Variants in IPPK observed in about 807,000 individuals in gnomAD.
The protein encoded by IPPK is IPK1 homolog.
Under a neutral mutation model 64.6 loss-of-function variants are expected in IPPK, and 22 were observed. The observed-to-expected ratio is 0.34, with a 90% CI of 0.24 to 0.49. IPPK has a LOEUF of 0.49. IPPK is among the 20% of genes least tolerant of loss of function. The probability of loss-of-function intolerance (pLI) is 0.99; values close to 1 mark genes in which losing one functional copy is unlikely to be tolerated. For missense variants in IPPK, 532 were observed against 630.7 expected (o/e 0.84, Z 1.68); for synonymous variants, 262 against 247.2 (o/e 1.06, Z -0.56).
intron 11 of IPPK, among the ~76,000 whole-genome samples, chr9:92,634,087 G>T (rs1255508513): frequency 6.6e-6 from 1 of 152,256 alleles, no homozygotes; most frequent in East Asian, 1.9e-4. Flanking sequence ...CAGAGAGCCT[G>T]TTGTGGGCTG....
intron 1 of IPPK, among the ~76,000 whole-genome samples, chr9:92,662,518 C>T (rs1852506994): frequency 1.3e-5 from 2 of 150,366 alleles, no homozygotes; most frequent in South Asian, 2.1e-4. Context: ...AGCGAAACTC[C>T]GTCTCAAAAA....
At chr9:92,623,142 A>T (rs1851672934) in intron 11 of IPPK, among the ~76,000 whole-genome samples, 1 of 152,176 alleles carries the variant, frequency 6.6e-6, no homozygotes, top group Non-Finnish European at 1.5e-5. Flanking sequence ...TCCATTAAGA[A>T]TCAAAAGACG....
chr9:92,638,975 G>A (rs1851996678), intron 8 of IPPK, among the ~76,000 whole-genome samples: 1 of 152,202 alleles, frequency 6.6e-6, no homozygotes, highest in Non-Finnish European at 1.5e-5. Flanking sequence ...ATGCTGCCCA[G>A]GGGAAAGGCC....
At chr9:92,636,576 G>A (rs1288860538) in intron 9 of IPPK, among the ~76,000 whole-genome samples, 1 of 152,160 alleles carries the variant, frequency 6.6e-6, no homozygotes, top group Non-Finnish European at 1.5e-5. Context: ...TGGAGGTGGA[G>A]GTTGCAGTGA....
chr9:92,635,302 T>A lies in IPPK; in HGVS notation c.923A>T (p.Asn308Ile), dbSNP rs979187232. Residue 308 changes from asparagine to isoleucine, a missense_variant, in exon 10 of 13, where the codon AAC becomes ATC. Coordinates refer to ENST00000287996, the MANE Select transcript of IPPK (RefSeq NM_022755.6). This position sits in a 1 kb window ranked among gnomAD's most constrained non-coding sequence, Gnocchi z 4.4. ...CGGTAACCCCGAGCGCTCTGGGGTGTTTTTTCCTACCGAGAACATCAGGGG... is the reference window on the plus strand; with the variant it reads ...CGGTAACCCCGAGCGCTCTGGGGTGATTTTTCCTACCGAGAACATCAGGGG... Reference protein sequence around the residue: ...FSRSLRCQGKNTPERSGLPKG... With the variant: ...FSRSLRCQGKITPERSGLPKG... 2 of 1,605,674 alleles carry A rather than the reference T, an allele frequency of 1.2e-6. No homozygotes were observed. Among genetic ancestry groups the A allele is most frequent in the Non-Finnish European group, 1.7e-6 (2 of 1,177,166 alleles).
At chr9:92,626,470 G>C (rs1851735632) in intron 11 of IPPK, among the ~76,000 whole-genome samples, 1 of 152,256 alleles carries the variant, frequency 6.6e-6, no homozygotes, top group South Asian at 2.1e-4. Flanking sequence ...ACAGCTGAAT[G>C]AATCAATGAA....
intron 6 of IPPK, among the ~76,000 whole-genome samples, chr9:92,644,481 GGTTCCCGGAAAGATCACACTTGCAAGC>G (rs1290818411): frequency 2.8e-4 from 42 of 152,214 alleles, no homozygotes; most frequent in South Asian, 1.2e-3. Context: ...CCTGTCTCTG[GGTTCCCGGAAAGATCACACTTGCAAGC>G]GTTCCCGGAA....
rs77720565 is a variant in IPPK, at chr9:92,619,008, G to A, written c.1250+478C>T. On this transcript the variant is annotated intron_variant, in intron 12 of 12. Transcript: ENST00000287996. ...AACTAGTGACATTAGGGAGAGGGGCGGCACATAGGCTGGTTATTCAGAAGA... is the reference window on the plus strand; with the variant it reads ...AACTAGTGACATTAGGGAGAGGGGCAGCACATAGGCTGGTTATTCAGAAGA... The A allele has an allele frequency of 6.9e-4, 164 of 238,818 alleles. 1 individual carries two copies. Among genetic ancestry groups the A allele is most frequent in the East Asian group, 4.8e-3 (47 of 9,752 alleles). The allele number at this position is 238,818 out of a possible 1,614,324, so 14.8% of individuals were successfully genotyped here.
At chr9:92,659,449 T>C (rs1013880918) in intron 1 of IPPK, among the ~76,000 whole-genome samples, 2 of 152,246 alleles carry the variant, frequency 1.3e-5, no homozygotes, top group African/African-American at 4.8e-5. Context: ...AAGTTTAACA[T>C]CTCCAAGTAG....
intron 11 of IPPK, 131 bp from the exon 12 acceptor site, chr9:92,619,696 G>A: frequency 3.7e-6 from 3 of 811,576 alleles, no homozygotes; most frequent in Non-Finnish European, 6.0e-6. Context: ...TTAGGAGCGA[G>A]GGCCACGGTG....
In IPPK at chr9:92,627,750, G is replaced by A. The variant is rs140764699; in HGVS notation, c.1170+6636C>T. Among the ~76,000 whole-genome samples, 1,357 of 152,278 alleles carry A rather than the reference G, an allele frequency of 8.9e-3. 10 individuals are homozygous for A. Among genetic ancestry groups the A allele is most frequent in the Non-Finnish European group, 0.014 (984 of 68,016 alleles). ...AAAAACAACTAACATCATACATGAC[G>A]ATGAAAGACTGAACACTGTCCCCAT... On this transcript the variant is annotated intron_variant, in intron 11 of 12. Coordinates refer to ENST00000287996, the MANE Select transcript of IPPK (RefSeq NM_022755.6).
chr9:92,645,454 A>AG (rs1196526554), intron 6 of IPPK, among the ~76,000 whole-genome samples: 1 of 152,128 alleles, frequency 6.6e-6, no homozygotes, highest in Non-Finnish European at 1.5e-5. Context: ...AAAATGAAAA[A>AG]GTAACTAGAG....
rs1457778330 is a variant in IPPK, at chr9:92,649,402, C to G, written c.414+51G>C. 1.9e-6 allele frequency: 3 copies of G among 1,610,014 alleles called. No homozygotes were observed. The South Asian group carries it at 3.3e-5, about 18-fold the overall frequency. ...GCACGTGACTCTTGGACTTACTACCCAAGACTGACCTTTCCCCTTTACCCA... is the reference window on the plus strand; with the variant it reads ...GCACGTGACTCTTGGACTTACTACCGAAGACTGACCTTTCCCCTTTACCCA... On this transcript the variant is annotated intron_variant, in intron 5 of 12. Coordinates refer to ENST00000287996, the MANE Select transcript of IPPK (RefSeq NM_022755.6).
intron 11 of IPPK, among the ~76,000 whole-genome samples, chr9:92,620,711 A>G (rs1038922363): frequency 6.6e-6 from 1 of 152,118 alleles, no homozygotes; most frequent in African/African-American, 2.4e-5. Flanking sequence ...GAGAACCTCA[A>G]AGCACGGATT....
intron 3 of IPPK, among the ~76,000 whole-genome samples, chr9:92,653,226 C>G (rs1410554614): frequency 6.6e-6 from 1 of 152,228 alleles, no homozygotes; most frequent in East Asian, 1.9e-4. Flanking sequence ...ATTTAAGCCA[C>G]ATTGCTTACC....
At chr9:92,660,970 A>G (rs1455271935) in intron 1 of IPPK, among the ~76,000 whole-genome samples, 2 of 152,268 alleles carry the variant, frequency 1.3e-5, no homozygotes, top group Non-Finnish European at 2.9e-5. Context: ...AAGATGTCAG[A>G]GCCTAAATCA....
In IPPK at chr9:92,613,940, A is replaced by G. The variant is rs373378181; in HGVS notation, c.*1892T>C. 1.5e-4 allele frequency: 23 copies of G among 152,384 alleles called. No homozygotes were observed. The highest frequency in any genetic ancestry group is 5.5e-4 in the African/African-American group (23 of 41,576). The allele number at this position is 152,384 out of a possible 1,614,324, so 9.4% of individuals were successfully genotyped here. ...CCAGTCAGGGCCGTCATGACTACGCAGCAGCAGCAGTTTCCAAGACGGGCC... is the reference window on the plus strand; with the variant it reads ...CCAGTCAGGGCCGTCATGACTACGCGGCAGCAGCAGTTTCCAAGACGGGCC... On this transcript the variant is annotated 3_prime_UTR_variant, in exon 13 of 13. Transcript: ENST00000287996.
chr9:92,646,686 G>A (rs1379039308), intron 6 of IPPK, among the ~76,000 whole-genome samples: 4 of 152,036 alleles, frequency 2.6e-5, no homozygotes, highest in African/African-American at 7.2e-5. Flanking sequence ...GGCCGGGCAC[G>A]GTGGCTCACA....
intron 11 of IPPK, among the ~76,000 whole-genome samples, chr9:92,629,526 T>A (rs1851794814): frequency 6.6e-6 from 1 of 151,744 alleles, no homozygotes; most frequent in Non-Finnish European, 1.5e-5. Context: ...CCGAGGTGGG[T>A]GGATCACTTG....
Sources: gnomAD v4.1 joint callset for allele counts (sites outside exome capture counted in the v4.1 genomes callset) on GRCh38, gnomAD v4.1.1 for gene constraint, Gnocchi (gnomAD v3.1) non-coding constraint, MANE v1.5 for transcripts, NCBI Gene and HGNC (gene_info 2026-07-23, HGNC 2026-07-21) for gene names.